Variants in KCNB2 observed in about 807,000 individuals in gnomAD.
KCNB2 encodes the protein delayed rectifier potassium channel protein.
In KCNB2, 15 loss-of-function variants were observed where a neutral mutation model predicts 61.5. The ratio of observed to expected loss-of-function variants is 0.24; its 90% confidence interval spans 0.16 to 0.38. The LOEUF (loss-of-function observed/expected upper bound fraction) is 0.38, where lower values mean the gene tolerates loss of function less well. KCNB2 is among the 10% of genes least tolerant of loss of function. The pLI is 1.00. For missense variants in KCNB2, 828 were observed against 1,125.2 expected (o/e 0.74, Z 3.78); for synonymous variants, 457 against 446.0 (o/e 1.02, Z -0.31).
chr8:72,896,069 G>T (rs1426012714), intron 2 of KCNB2, among the ~76,000 whole-genome samples: 1 of 152,040 alleles, frequency 6.6e-6, no homozygotes, highest in Non-Finnish European at 1.5e-5. Context: ...GAGGAGTTAT[G>T]ATGAAGCATT....
intron 2 of KCNB2, among the ~76,000 whole-genome samples, chr8:72,800,303 G>A (rs889509348): frequency 1.3e-5 from 2 of 152,142 alleles, no homozygotes; most frequent in East Asian, 3.9e-4. Flanking sequence ...CAAGAAAACA[G>A]TCCGATTTAT....
intron 1 of KCNB2, among the ~76,000 whole-genome samples, chr8:72,558,041 T>A (rs1347638788): frequency 6.6e-6 from 1 of 152,230 alleles, no homozygotes; most frequent in Non-Finnish European, 1.5e-5. Context: ...ACTTATTCAT[T>A]CATTTTTTGG....
intron 2 of KCNB2, chr8:72,618,813 G>A (rs192048188): frequency 2.4e-4 from 54 of 225,802 alleles, no homozygotes; most frequent in Admixed American, 1.2e-3. Flanking sequence ...TTGAGCAAGA[G>A]ATGGATTCAG....
intron 2 of KCNB2, among the ~76,000 whole-genome samples, chr8:72,680,357 G>A (rs1254232840): frequency 6.6e-6 from 1 of 152,194 alleles, no homozygotes; most frequent in Admixed American, 6.5e-5. Context: ...ATGGGGCAAT[G>A]CACATCTTAC....
intron 2 of KCNB2, among the ~76,000 whole-genome samples, chr8:72,713,029 G>A (rs896006075): frequency 6.6e-6 from 1 of 152,248 alleles, no homozygotes; most frequent in South Asian, 2.1e-4. Flanking sequence ...CACATGGCTT[G>A]GAGGGTCCTA....
At chr8:72,871,109 T>C (rs1033032138) in intron 2 of KCNB2, among the ~76,000 whole-genome samples, 7 of 152,222 alleles carry the variant, frequency 4.6e-5, no homozygotes, top group Non-Finnish European at 1.0e-4. Context: ...ATTTTCTGAA[T>C]CTTAGTTTCA....
chr8:72,927,694 C>T (rs963104718), intron 2 of KCNB2, among the ~76,000 whole-genome samples: 5 of 152,200 alleles, frequency 3.3e-5, no homozygotes, highest in African/African-American at 4.8e-5. Context: ...GCATCATTCA[C>T]GTTATAGTCT....
chr8:72,759,965 A>AT (rs1216106670), intron 2 of KCNB2, among the ~76,000 whole-genome samples: 1 of 152,148 alleles, frequency 6.6e-6, no homozygotes, highest in East Asian at 1.9e-4. Flanking sequence ...ACTCAGTGTG[A>AT]TTGGGGGTGT....
At chr8:72,893,976 C>G (rs58258352) in intron 2 of KCNB2, among the ~76,000 whole-genome samples, 2,270 of 152,280 alleles carry the variant, frequency 0.015, 65 homozygotes, top group African/African-American at 0.053. Flanking sequence ...AAGCACTGTT[C>G]TGGGCACAGA....
intron 2 of KCNB2, among the ~76,000 whole-genome samples, chr8:72,851,775 G>T (rs1158214711): frequency 7.7e-6 from 1 of 129,614 alleles, no homozygotes; most frequent in Non-Finnish European, 1.6e-5. Flanking sequence ...TACCTGAATT[G>T]AGCAAAGCGT....
At chr8:72,783,467 C>T (rs1414767061) in intron 2 of KCNB2, among the ~76,000 whole-genome samples, 2 of 152,118 alleles carry the variant, frequency 1.3e-5, no homozygotes, top group Non-Finnish European at 2.9e-5. Flanking sequence ...ATCTCAAAGC[C>T]TTTGCAATTG....
intron 2 of KCNB2, among the ~76,000 whole-genome samples, chr8:72,908,991 A>C (rs1806229637): frequency 6.6e-6 from 1 of 152,208 alleles, no homozygotes; most frequent in Non-Finnish European, 1.5e-5. Context: ...TTTCAGCAAG[A>C]TTGGAATTCC....
chr8:72,804,944 A>G (rs17186345), intron 2 of KCNB2, among the ~76,000 whole-genome samples: 20,913 of 152,152 alleles, frequency 0.14, 1,798 homozygotes, highest in South Asian at 0.3. Context: ...TCCTTTGAGT[A>G]GATGTTGCAA....
At chr8:72,603,660 C>T (rs1436797278) in intron 2 of KCNB2, among the ~76,000 whole-genome samples, 1 of 152,090 alleles carries the variant, frequency 6.6e-6, no homozygotes, top group Non-Finnish European at 1.5e-5. Context: ...ATTAGCTGTA[C>T]TGGGTTGATT....
intron 2 of KCNB2, among the ~76,000 whole-genome samples, chr8:72,631,718 C>A (rs1489932194): frequency 2.6e-5 from 4 of 152,158 alleles, no homozygotes; most frequent in Non-Finnish European, 4.4e-5. Context: ...ATAAAATGTT[C>A]TTTGTCAAGC....
At chr8:72,902,069 C>T (rs1024080160) in intron 2 of KCNB2, among the ~76,000 whole-genome samples, 1 of 152,064 alleles carries the variant, frequency 6.6e-6, no homozygotes, top group African/African-American at 2.4e-5. Context: ...ATTTTCCTAA[C>T]GTTAGTCAGC....
At chr8:72,714,727 C>T (rs1278384766) in intron 2 of KCNB2, among the ~76,000 whole-genome samples, 1 of 152,174 alleles carries the variant, frequency 6.6e-6, no homozygotes, top group Non-Finnish European at 1.5e-5. Context: ...TAAAGACCAT[C>T]AAGGCTAGGA....
At chr8:72,765,432 G>A (rs981040334) in intron 2 of KCNB2, among the ~76,000 whole-genome samples, 12 of 152,184 alleles carry the variant, frequency 7.9e-5, no homozygotes, top group African/African-American at 2.9e-4. Context: ...GTGCTCAGAT[G>A]TAGTTAAAAG....
chr8:72,931,578 C>T (rs1202374422), intron 2 of KCNB2, among the ~76,000 whole-genome samples: 1 of 152,188 alleles, frequency 6.6e-6, no homozygotes, highest in Non-Finnish European at 1.5e-5. Flanking sequence ...TGGGAGTTCA[C>T]TCATGATTTG....
Sources: gnomAD v4.1 joint callset for allele counts (sites outside exome capture counted in the v4.1 genomes callset) on GRCh38, gnomAD v4.1.1 for gene constraint, MANE v1.5 for transcripts, NCBI Gene and HGNC (gene_info 2026-07-23, HGNC 2026-07-21) for gene names.